The following IQCM variants were observed in gnomAD, a reference collection of about 807,000 sequenced individuals.
IQCM encodes the protein IQ domain-containing protein M.
In IQCM, 45 loss-of-function variants were observed where a neutral mutation model predicts 57.6. That is an observed-to-expected ratio of 0.78 (90% CI 0.62 to 1.00). The LOEUF is 1.00. Ranked by LOEUF, IQCM falls within the 50% of genes least tolerant of loss-of-function variation. The pLI is 0.00. For missense variants in IQCM, 468 were observed against 511.6 expected, an observed-to-expected ratio of 0.91 and a Z score of 0.82; for synonymous variants, 148 against 158.9, an observed-to-expected ratio of 0.93 and a Z score of 0.51.
At chr4:149,669,006 T>C (rs148899620) in intron 7 of IQCM, among the ~76,000 whole-genome samples, 2,176 of 152,306 alleles carry the variant, frequency 0.014, 37 homozygotes, top group Non-Finnish European at 0.021. Flanking sequence ...AGCAATACTT[T>C]TGACAATTTA....
chr4:149,766,446 G>A (rs920146055), intron 2 of IQCM, among the ~76,000 whole-genome samples: 3 of 152,036 alleles, frequency 2.0e-5, no homozygotes, highest in Admixed American at 1.3e-4. Context: ...GAGACTTGTC[G>A]TTTCAGGCTT....
chr4:149,725,231 T>C (rs1049099853), intron 5 of IQCM, among the ~76,000 whole-genome samples: 3 of 152,248 alleles, frequency 2.0e-5, no homozygotes, highest in African/African-American at 7.2e-5. Context: ...TGCAACTGAA[T>C]TTGTCTGGGC....
At chr4:149,728,011 A>G (rs1766111165) in intron 5 of IQCM, among the ~76,000 whole-genome samples, 1 of 152,190 alleles carries the variant, frequency 6.6e-6, no homozygotes, top group East Asian at 1.9e-4. Context: ...AGTAAAAACT[A>G]CAAACCAGGA....
intron 12 of IQCM, among the ~76,000 whole-genome samples, chr4:149,474,224 G>A (rs1739925222): frequency 2.0e-5 from 3 of 151,488 alleles, no homozygotes; most frequent in Admixed American, 2.0e-4. Flanking sequence ...AAAAGGAATA[G>A]GGCATACAGA....
At chr4:149,405,973 C>T (rs72953687) in intron 13 of IQCM, among the ~76,000 whole-genome samples, 2,262 of 149,640 alleles carry the variant, frequency 0.015, 36 homozygotes, top group African/African-American at 0.044. Flanking sequence ...TTCCTCTATC[C>T]TCTATTTTGA....
In IQCM at chr4:149,621,195, A is replaced by G. The variant is rs571349254; in HGVS notation, c.615T>C (p.Arg205=). The G allele has an allele frequency of 4.4e-5, 54 of 1,232,046 alleles. No individual in the cohort carries two copies. The Middle Eastern group carries it at 2.5e-3, about 57-fold the overall frequency. 76.3% of individuals were successfully genotyped at this position (1,232,046 alleles called of 1,614,324 possible). A position where few individuals can be genotyped will look rare whatever the true frequency, so the allele number is the denominator to read the frequency against. ...TAACTCGACGGGAGTCACAAGCCAA[A>G]CGGAAAGACCTTGTCAGCACAAATC... ...WRGFVLTRSF[R]LACDSRRVSF... Residue 205 remains arginine, a synonymous_variant, in exon 8 of 14, where the codon CGT becomes CGC. Coordinates refer to ENST00000636793, the MANE Select transcript of IQCM (RefSeq NM_001363507.2).
chr4:149,730,168 A>T (rs970682024), intron 5 of IQCM, among the ~76,000 whole-genome samples: 1 of 152,200 alleles, frequency 6.6e-6, no homozygotes, highest in Non-Finnish European at 1.5e-5. Flanking sequence ...AGTGTAAACC[A>T]CTAACCCACT....
At chr4:149,433,628 G>C (rs901030538) in intron 12 of IQCM, 71 bp from the exon 13 acceptor site, 13 of 550,648 alleles carry the variant, frequency 2.4e-5, no homozygotes, top group Non-Finnish European at 3.3e-5. Context: ...TCTTTTAAGG[G>C]ATGCAAATTA....
intron 13 of IQCM, among the ~76,000 whole-genome samples, chr4:149,426,071 TATTC>T (rs1343117218): frequency 6.6e-6 from 1 of 152,006 alleles, no homozygotes; most frequent in African/African-American, 2.4e-5. Flanking sequence ...CTCCTAAGAA[TATTC>T]TAAGAGTTCT....
chr4:149,569,940 T>C (rs1399592752), intron 9 of IQCM, among the ~76,000 whole-genome samples: 1 of 152,128 alleles, frequency 6.6e-6, no homozygotes, highest in Non-Finnish European at 1.5e-5. Context: ...AATCAATTTA[T>C]AAACTTCAAT....
At chr4:149,664,413 C>A (rs564174145) in intron 7 of IQCM, among the ~76,000 whole-genome samples, 1 of 152,058 alleles carries the variant, frequency 6.6e-6, no homozygotes, top group African/African-American at 2.4e-5. Flanking sequence ...TCCAATGGAG[C>A]CGTCACTTTT....
At chr4:149,623,718 G>GGGGT (rs1756547065) in intron 7 of IQCM, among the ~76,000 whole-genome samples, 2 of 145,998 alleles carry the variant, frequency 1.4e-5, no homozygotes, top group African/African-American at 5.0e-5. Flanking sequence ...CTGAATCCCA[G>GGGGT]GTGTGTGTGT....
At chr4:149,645,811 A>G (rs1758585735) in intron 7 of IQCM, among the ~76,000 whole-genome samples, 1 of 151,914 alleles carries the variant, frequency 6.6e-6, no homozygotes, top group South Asian at 2.1e-4. Context: ...AGTGGCACCC[A>G]ACTCCCTCTC....
chr4:149,742,667 C>A lies in IQCM; in HGVS notation c.25G>T (p.Glu9Ter), dbSNP rs1767568974. Reference protein sequence around the residue: MTTEEAMPEKAKCPTLEIT... With the variant: MTTEEAMP ...CACAGATACTCACATTTTGCTTTTT[C>A]AGGCATAGCCTCTTCAGTAGTCATG... The change falls in exon 3 of 14, where the codon GAA (glutamate) becomes TAA (stop). Residue 9 changes from glutamate to a stop codon, truncating the protein, a stop_gained. Transcript: ENST00000636793. LOFTEE classifies it high-confidence loss of function. 8.1e-7 allele frequency: 1 copy of A among 1,231,280 alleles called. No homozygotes were observed. Among genetic ancestry groups the A allele is most frequent in the South Asian group, 4.1e-5 (1 of 24,310 alleles). 76.3% of individuals were successfully genotyped at this position (1,231,280 alleles called of 1,614,324 possible). A position where few individuals can be genotyped will look rare whatever the true frequency, so the allele number is the denominator to read the frequency against.
chr4:149,575,289 T>C (rs1440596101), intron 9 of IQCM, among the ~76,000 whole-genome samples: 2 of 151,910 alleles, frequency 1.3e-5, no homozygotes, highest in African/African-American at 2.4e-5. Context: ...GCATGGGTGA[T>C]ATAGATTTTT....
At chr4:149,430,154 T>A (rs1734726381) in intron 13 of IQCM, 1 of 484,458 alleles carries the variant, frequency 2.1e-6, no homozygotes, top group Admixed American at 4.4e-5. Context: ...TCTAGGCTAT[T>A]ATAGAACTGA....
chr4:149,374,514 T>C (rs1341520563), intron 13 of IQCM, among the ~76,000 whole-genome samples: 2 of 152,098 alleles, frequency 1.3e-5, no homozygotes, highest in Non-Finnish European at 2.9e-5. Context: ...AAAAACATCT[T>C]TGAAAACCAT....
chr4:149,369,498 T>C (rs558946834), intron 13 of IQCM, among the ~76,000 whole-genome samples: 261 of 152,292 alleles, frequency 1.7e-3, no homozygotes, highest in African/African-American at 6.0e-3. Context: ...CTACATAACT[T>C]GGTATATTCC....
chr4:149,763,485 G>A (rs1193584851), intron 2 of IQCM, among the ~76,000 whole-genome samples: 1 of 152,058 alleles, frequency 6.6e-6, no homozygotes, highest in African/African-American at 2.4e-5. Context: ...TCCTAAACTA[G>A]AACATCAGAG....
Sources: allele counts gnomAD v4.1 joint callset (sites outside exome capture counted in the v4.1 genomes callset), GRCh38; gene constraint gnomAD v4.1.1; transcripts MANE v1.5; gene names NCBI Gene and HGNC (gene_info 2026-07-23, HGNC 2026-07-21).